ERBB4: variants seen among roughly 807,000 people sequenced by gnomAD.
ERBB4 encodes the protein receptor tyrosine-protein kinase erbB-4.
ERBB4 carries 42 observed loss-of-function variants against 158.0 expected under a neutral mutation model. The observed-to-expected ratio is 0.27, with a 90% CI of 0.21 to 0.34. ERBB4 has a LOEUF of 0.34. Among genes scored for constraint, ERBB4 ranks in the 10% least tolerant of loss-of-function variants. The probability of loss-of-function intolerance (pLI) is 1.00; values close to 1 mark genes in which losing one functional copy is unlikely to be tolerated. For missense variants in ERBB4, 1,333 were observed against 1,624.1 expected (o/e 0.82, Z 3.08); for synonymous variants, 583 against 558.7 (o/e 1.04, Z -0.61).
At chr2:211,929,888 T>C (rs2080127270) in intron 3 of ERBB4, among the ~76,000 whole-genome samples, 1 of 152,154 alleles carries the variant, frequency 6.6e-6, no homozygotes, top group African/African-American at 2.4e-5. Flanking sequence ...AAACAACATG[T>C]GTATACACAC....
intron 4 of ERBB4, among the ~76,000 whole-genome samples, chr2:211,763,138 G>A (rs2075456543): frequency 6.6e-6 from 1 of 151,944 alleles, no homozygotes; most frequent in African/African-American, 2.4e-5. Context: ...TATCTGAGAA[G>A]GTACAAAAGA....
intron 1 of ERBB4, among the ~76,000 whole-genome samples, chr2:212,419,541 A>G (rs745808488): frequency 6.6e-6 from 1 of 151,904 alleles, no homozygotes; most frequent in Non-Finnish European, 1.5e-5. Context: ...TTGTATACAT[A>G]TACATATAAA....
chr2:211,987,583 T>C (rs1363661151), intron 2 of ERBB4, among the ~76,000 whole-genome samples: 1 of 151,980 alleles, frequency 6.6e-6, no homozygotes, highest in Admixed American at 6.6e-5. Context: ...GAGGAATCTA[T>C]TGCAATCAAA....
At chr2:211,412,714 G>A (rs2063287833) in intron 25 of ERBB4, among the ~76,000 whole-genome samples, 1 of 152,044 alleles carries the variant, frequency 6.6e-6, no homozygotes, top group African/African-American at 2.4e-5. Context: ...CTAGCACTTT[G>A]GGAGGCTGAG....
chr2:212,168,201 A>G (rs570157949), intron 1 of ERBB4, among the ~76,000 whole-genome samples: 1 of 152,104 alleles, frequency 6.6e-6, no homozygotes, highest in African/African-American at 2.4e-5. Flanking sequence ...TATAAATGAA[A>G]TCTTTCCTTT....
chr2:211,694,066 C>A (rs1474797392), intron 12 of ERBB4, among the ~76,000 whole-genome samples: 1 of 152,090 alleles, frequency 6.6e-6, no homozygotes, highest in Non-Finnish European at 1.5e-5. Context: ...GATGAAGGAC[C>A]TACCCTGCTC....
intron 3 of ERBB4, among the ~76,000 whole-genome samples, chr2:211,846,787 G>T (rs1324183407): frequency 4.6e-5 from 7 of 152,070 alleles, no homozygotes; most frequent in Non-Finnish European, 7.4e-5. Flanking sequence ...TGAAGGCAAT[G>T]CTGATTTCTT....
chr2:212,513,758 G>A (rs1052501369), intron 1 of ERBB4, among the ~76,000 whole-genome samples: 2 of 152,044 alleles, frequency 1.3e-5, no homozygotes, highest in African/African-American at 4.8e-5. Flanking sequence ...CTTGCAGTGC[G>A]CCAAGATCCC....
chr2:211,533,109 T>A (rs1157607100), intron 20 of ERBB4, among the ~76,000 whole-genome samples: 1 of 151,898 alleles, frequency 6.6e-6, no homozygotes. Flanking sequence ...TTTTTCATTT[T>A]GTATGTTACA....
intron 1 of ERBB4, among the ~76,000 whole-genome samples, chr2:212,176,532 G>C (rs984483858): frequency 6.6e-6 from 1 of 151,900 alleles, no homozygotes; most frequent in Non-Finnish European, 1.5e-5. Context: ...AGAACTTTAG[G>C]AAATAAATGT....
intron 2 of ERBB4, among the ~76,000 whole-genome samples, chr2:211,978,669 A>G (rs1225690606): frequency 6.6e-6 from 1 of 152,182 alleles, no homozygotes; most frequent in African/African-American, 2.4e-5. Context: ...AACACTGTGT[A>G]AAGGCATTCA....
At chr2:212,438,611 C>T (rs2092187909) in intron 1 of ERBB4, among the ~76,000 whole-genome samples, 1 of 152,058 alleles carries the variant, frequency 6.6e-6, no homozygotes, top group African/African-American at 2.4e-5. Context: ...ATAATCCTAA[C>T]TTTGGAAAAT....
At chr2:211,950,710 C>T (rs544111054) in intron 2 of ERBB4, among the ~76,000 whole-genome samples, 4 of 152,112 alleles carry the variant, frequency 2.6e-5, no homozygotes, top group African/African-American at 9.6e-5. Flanking sequence ...GAACTCTAAG[C>T]CACTATGAGT....
At chr2:211,594,599 TAGAG>T (rs1373125997) in intron 19 of ERBB4, among the ~76,000 whole-genome samples, 4 of 152,128 alleles carry the variant, frequency 2.6e-5, no homozygotes, top group Non-Finnish European at 5.9e-5. Context: ...TAGTGTAAAT[TAGAG>T]AGAAAGTAAA....
intron 1 of ERBB4, among the ~76,000 whole-genome samples, chr2:212,222,332 G>A (rs2083316272): frequency 6.6e-6 from 1 of 151,326 alleles, no homozygotes; most frequent in Non-Finnish European, 1.5e-5. Flanking sequence ...TTCCTTAAAA[G>A]CTCTCATTCA....
chr2:211,989,159 C>T (rs915053237), intron 2 of ERBB4, among the ~76,000 whole-genome samples: 3 of 151,876 alleles, frequency 2.0e-5, no homozygotes, highest in African/African-American at 7.2e-5. Flanking sequence ...ACCAGATGAC[C>T]TACTTTGATT....
At chr2:211,671,184 T>C (rs2071824072) in intron 14 of ERBB4, among the ~76,000 whole-genome samples, 1 of 152,158 alleles carries the variant, frequency 6.6e-6, no homozygotes, top group Non-Finnish European at 1.5e-5. Flanking sequence ...TTATACAGTA[T>C]ACAATAGATG....
intron 1 of ERBB4, among the ~76,000 whole-genome samples, chr2:212,293,599 G>C (rs2086287120): frequency 6.6e-6 from 1 of 152,060 alleles, no homozygotes; most frequent in African/African-American, 2.4e-5. Flanking sequence ...TTTAATCCCA[G>C]CATTTTGGGA....
intron 26 of ERBB4, among the ~76,000 whole-genome samples, chr2:211,387,662 T>C (rs2062714391): frequency 1.3e-5 from 2 of 151,730 alleles, no homozygotes; most frequent in African/African-American, 2.4e-5. Context: ...TGACCAATAA[T>C]CAGGGAAGTA....
Sources: allele counts gnomAD v4.1 joint callset (sites outside exome capture counted in the v4.1 genomes callset), GRCh38; gene constraint gnomAD v4.1.1; transcripts MANE v1.5; gene names NCBI Gene and HGNC (gene_info 2026-07-23, HGNC 2026-07-21).